The following SLC16A10 variants were observed in gnomAD, a reference collection of about 807,000 sequenced individuals.
The protein encoded by SLC16A10 is monocarboxylate transporter 10.
SLC16A10 carries 27 observed loss-of-function variants against 40.0 expected under a neutral mutation model. The observed-to-expected ratio is 0.67, with a 90% CI of 0.50 to 0.93. The LOEUF is 0.93. SLC16A10 is among the 40% of genes least tolerant of loss of function. The probability of loss-of-function intolerance (pLI) is 0.00; values close to 1 mark genes in which losing one functional copy is unlikely to be tolerated. For synonymous variants in SLC16A10, 213 were observed against 249.8 expected (o/e 0.85, Z 1.39); for missense variants, 529 against 658.2 (o/e 0.80, Z 2.15).
intron 4 of SLC16A10, among the ~76,000 whole-genome samples, chr6:111,216,797 A>G (rs953061623): frequency 6.6e-6 from 1 of 152,180 alleles, no homozygotes; most frequent in Non-Finnish European, 1.5e-5. Context: ...ACCGAACTGT[A>G]TGATATGATG....
chr6:111,202,816 G>A (rs1309997927), intron 3 of SLC16A10, among the ~76,000 whole-genome samples: 1 of 145,786 alleles, frequency 6.9e-6, no homozygotes, highest in Non-Finnish European at 1.5e-5. Flanking sequence ...GAATCCGGGA[G>A]GCGGAGGTTG....
intron 1 of SLC16A10, among the ~76,000 whole-genome samples, chr6:111,137,499 T>C (rs1446225095): frequency 6.6e-5 from 10 of 152,232 alleles, no homozygotes; most frequent in Non-Finnish European, 2.9e-5. Flanking sequence ...TCTTACAGAA[T>C]TGAAGCTGTA....
chr6:111,183,094 G>C (rs1309517771), intron 3 of SLC16A10, among the ~76,000 whole-genome samples: 2 of 152,110 alleles, frequency 1.3e-5, no homozygotes, highest in African/African-American at 4.8e-5. Context: ...ATTTCCCTAA[G>C]AGTAAAAACC....
In SLC16A10 at chr6:111,110,389, T is replaced by G. The variant is rs138535711; in HGVS notation, c.343+22294T>G. ...AGATAGGAGTAGCTTGAGAACTAAC[T>G]TAAAGAAGGAGCCTGTAGAGAGGGA... is the stretch of plus-strand genomic sequence containing the variant. On this transcript the variant is annotated intron_variant, in intron 1 of 5. Transcript: ENST00000368851. Among the ~76,000 whole-genome samples, 184 of 151,116 alleles carry G rather than the reference T, an allele frequency of 1.2e-3. 1 individual carries two copies. The highest frequency in any genetic ancestry group is 4.3e-3 in the African/African-American group (178 of 41,134).
At chr6:111,131,312 T>C (rs553972629) in intron 1 of SLC16A10, among the ~76,000 whole-genome samples, 2 of 152,332 alleles carry the variant, frequency 1.3e-5, no homozygotes, top group Admixed American at 1.3e-4. Flanking sequence ...GGGTTCATGC[T>C]AATTGAGCTG....
chr6:111,124,378 C>T (rs1285026318), intron 1 of SLC16A10, among the ~76,000 whole-genome samples: 2 of 146,744 alleles, frequency 1.4e-5, no homozygotes, highest in East Asian at 2.0e-4. Context: ...TTTTAAGAGA[C>T]GGAGTCTGGC....
chr6:111,201,096 G>A (rs1472533214), intron 3 of SLC16A10, among the ~76,000 whole-genome samples: 3 of 152,216 alleles, frequency 2.0e-5, no homozygotes, highest in Middle Eastern at 3.4e-3. Flanking sequence ...CCCCTGAAGA[G>A]TTTATTCTCC....
chr6:111,138,929 AGCTGAATTCATAAGT>A (rs916132272), intron 1 of SLC16A10, among the ~76,000 whole-genome samples: 3 of 152,202 alleles, frequency 2.0e-5, no homozygotes, highest in Non-Finnish European at 4.4e-5. Context: ...ATCCTCCAAA[AGCTGAATTCATAAGT>A]AAACAAAGTG....
chr6:111,146,008 A>T (rs1165890870), intron 1 of SLC16A10, among the ~76,000 whole-genome samples: 1 of 152,260 alleles, frequency 6.6e-6, no homozygotes, highest in African/African-American at 2.4e-5. Flanking sequence ...GCACACCAAG[A>T]AAGTGAAAAG....
At chr6:111,179,093 C>A (rs1772743813) in intron 3 of SLC16A10, among the ~76,000 whole-genome samples, 1 of 150,178 alleles carries the variant, frequency 6.7e-6, no homozygotes, top group African/African-American at 2.5e-5. Flanking sequence ...CCTGCCTCAG[C>A]TAGGATTACA....
chr6:111,174,121 A>T (rs1772635786), intron 2 of SLC16A10, among the ~76,000 whole-genome samples: 1 of 152,156 alleles, frequency 6.6e-6, no homozygotes, highest in Admixed American at 6.5e-5. Context: ...CACTGATTTA[A>T]TATGTAGCTC....
chr6:111,188,038 C>T (rs962307037), intron 3 of SLC16A10, among the ~76,000 whole-genome samples: 3 of 152,180 alleles, frequency 2.0e-5, no homozygotes, highest in African/African-American at 7.2e-5. Context: ...GAAGCAAAGT[C>T]TTGGTCCCCG....
At chr6:111,093,944 C>T (rs552217652) in intron 1 of SLC16A10, among the ~76,000 whole-genome samples, 8 of 152,080 alleles carry the variant, frequency 5.3e-5, no homozygotes, top group Non-Finnish European at 1.0e-4. Flanking sequence ...CAGAATGTTT[C>T]TGGATTAAGT....
intron 3 of SLC16A10, among the ~76,000 whole-genome samples, chr6:111,189,969 C>CTTAACTCA (rs1772962322): frequency 1.3e-5 from 2 of 152,302 alleles, no homozygotes; most frequent in South Asian, 4.1e-4. Context: ...CCCTCAAAGT[C>CTTAACTCA]TTAACTCATT....
At chr6:111,161,252 G>A (rs1772366542) in intron 1 of SLC16A10, among the ~76,000 whole-genome samples, 1 of 122,780 alleles carries the variant, frequency 8.1e-6, no homozygotes. Flanking sequence ...AAAAAGAAAG[G>A]GTAGGTATGT....
At chr6:111,133,576 T>A (rs1479586650) in intron 1 of SLC16A10, among the ~76,000 whole-genome samples, 2 of 152,296 alleles carry the variant, frequency 1.3e-5, no homozygotes, top group Non-Finnish European at 1.5e-5. Flanking sequence ...AGACCTCTTT[T>A]GTAGAAAAGA....
chr6:111,141,931 G>A (rs1771990610), intron 1 of SLC16A10, among the ~76,000 whole-genome samples: 1 of 152,024 alleles, frequency 6.6e-6, no homozygotes, highest in South Asian at 2.1e-4. Flanking sequence ...GTTATTTTGT[G>A]GATATTGACA....
At chr6:111,180,774 G>A (rs1583347878) in intron 3 of SLC16A10, among the ~76,000 whole-genome samples, 1 of 150,992 alleles carries the variant, frequency 6.6e-6, no homozygotes, top group Admixed American at 6.6e-5. Flanking sequence ...GCCACTGCAC[G>A]CCAGCCTGGG....
intron 1 of SLC16A10, among the ~76,000 whole-genome samples, chr6:111,128,922 AT>A (rs1228242378): frequency 1.6e-5 from 2 of 123,952 alleles, no homozygotes; most frequent in Admixed American, 8.6e-5. Flanking sequence ...TCAATTGTTT[AT>A]TTTTTCATAT....
Sources: allele counts gnomAD v4.1 joint callset (sites outside exome capture counted in the v4.1 genomes callset), GRCh38; gene constraint gnomAD v4.1.1; transcripts MANE v1.5; gene names NCBI Gene and HGNC (gene_info 2026-07-23, HGNC 2026-07-21).